NDST3: variants seen among roughly 807,000 people sequenced by gnomAD.
NDST3 encodes bifunctional heparan sulfate N-deacetylase/N-sulfotransferase 3.
Under a neutral mutation model 96.1 loss-of-function variants are expected in NDST3, and 58 were observed. That is an observed-to-expected ratio of 0.60 (90% CI 0.49 to 0.75). The LOEUF is 0.75. NDST3 is among the 30% of genes least tolerant of loss of function. The pLI, the probability that NDST3 is intolerant of heterozygous loss-of-function variation, is 0.00. For synonymous variants in NDST3, 333 were observed against 359.7 expected (o/e 0.93, Z 0.84); for missense variants, 788 against 1,034.2 (o/e 0.76, Z 3.27).
In NDST3 at chr4:118,054,567, C is replaced by A. The variant is rs952895031; in HGVS notation, c.657C>A (p.Asp219Glu). 11 of 1,613,224 alleles carry A rather than the reference C, an allele frequency of 6.8e-6. No homozygotes were observed. Among genetic ancestry groups the A allele is most frequent in the Non-Finnish European group, 8.5e-6 (10 of 1,179,518 alleles). Reference sequence around the variant, plus strand: ...AAAAAGGTTCTTTACCTGGAACTGACTGGACAGTTTTTCAGATTAATCATT... The same window carrying A: ...AAAAAGGTTCTTTACCTGGAACTGAATGGACAGTTTTTCAGATTAATCATT... ...KLEKGSLPGTDWTVFQINHSA... is the reference protein window; with the variant it reads ...KLEKGSLPGTEWTVFQINHSA... Residue 219 changes from aspartate (D) to glutamate (E), a missense_variant, in exon 2 of 14, where the codon GAC becomes GAA. This residue lies in a region of NDST3 where 234 missense variants were observed against 256.9 expected (regional missense o/e 0.91). Coordinates refer to ENST00000296499, the MANE Select transcript of NDST3 (RefSeq NM_004784.3).
chr4:118,239,099 G>T (rs1017753656), intron 10 of NDST3, among the ~76,000 whole-genome samples: 1 of 152,188 alleles, frequency 6.6e-6, no homozygotes, highest in African/African-American at 2.4e-5. Flanking sequence ...ATATATGACT[G>T]CTTCCCTGTG....
At position 118,090,414 on chromosome 4, in the gene NDST3, C is replaced by T. The variant is rs189068707; in HGVS notation, c.982-14604C>T. 1.1e-3 allele frequency among the ~76,000 whole-genome samples: 165 copies of T among 151,860 alleles called. 1 individual carries two copies. In the South Asian group the frequency reaches 0.016, roughly 14 times the overall value. On this transcript the variant is annotated intron_variant, in intron 2 of 13. Transcript: ENST00000296499. The stretch of plus-strand genomic sequence containing the variant: ...TGGATTGCCCCATCCTATCAATGCC[C>T]CTGAGATGAATATGAAGTCAGCAAT...
intron 6 of NDST3, among the ~76,000 whole-genome samples, chr4:118,153,156 T>G (rs1353213803): frequency 6.6e-6 from 1 of 152,228 alleles, no homozygotes; most frequent in Middle Eastern, 3.2e-3. Context: ...AAACTGAACC[T>G]CTTTGGAGAG....
chr4:118,131,204 G>T (rs1732581409), intron 4 of NDST3, among the ~76,000 whole-genome samples: 1 of 152,014 alleles, frequency 6.6e-6, no homozygotes, highest in Non-Finnish European at 1.5e-5. Context: ...ATATCTCTGA[G>T]ATTTGCCCTT....
intron 6 of NDST3, among the ~76,000 whole-genome samples, chr4:118,156,741 T>A (rs1292893039): frequency 6.6e-6 from 1 of 152,218 alleles, no homozygotes; most frequent in Non-Finnish European, 1.5e-5. Flanking sequence ...AAGATTATAT[T>A]GAGACACTAT....
chr4:118,137,596 A>G (rs986841545), intron 4 of NDST3, among the ~76,000 whole-genome samples: 1 of 152,250 alleles, frequency 6.6e-6, no homozygotes, highest in African/African-American at 2.4e-5. Context: ...AACTTGGTAG[A>G]AACTGTAGAG....
At chr4:118,096,531 C>G (rs1729316440) in intron 2 of NDST3, among the ~76,000 whole-genome samples, 1 of 151,758 alleles carries the variant, frequency 6.6e-6, no homozygotes, top group Admixed American at 6.6e-5. Context: ...AGCTAAAATT[C>G]TGTTGCATAA....
intron 8 of NDST3, among the ~76,000 whole-genome samples, chr4:118,227,864 G>C (rs555041763): frequency 1.3e-5 from 2 of 151,954 alleles, no homozygotes; most frequent in Non-Finnish European, 2.9e-5. Flanking sequence ...CGCCCGCCTC[G>C]GCCTCCCAAA....
chr4:118,033,515 T>C (rs1162756679), upstream of NDST3: 4 of 151,660 alleles, frequency 2.6e-5, no homozygotes, highest in East Asian at 6.0e-4. Flanking sequence ...GCCCGGTCGA[T>C]GGAGGCGGCT....
chr4:118,195,595 T>C (rs1167955577), intron 6 of NDST3, among the ~76,000 whole-genome samples: 1 of 152,252 alleles, frequency 6.6e-6, no homozygotes, highest in Non-Finnish European at 1.5e-5. Context: ...ATATGCTACA[T>C]ATCTAATTTT....
At chr4:118,177,683 T>C (rs1736361262) in intron 6 of NDST3, among the ~76,000 whole-genome samples, 1 of 152,024 alleles carries the variant, frequency 6.6e-6, no homozygotes, top group East Asian at 1.9e-4. Flanking sequence ...TTTCAGATCA[T>C]GATAAATATT....
At chr4:118,063,468 A>G (rs1726063020) in intron 2 of NDST3, among the ~76,000 whole-genome samples, 1 of 152,162 alleles carries the variant, frequency 6.6e-6, no homozygotes, top group Admixed American at 6.5e-5. Flanking sequence ...AAAACCTTGG[A>G]GAAAATTGTA....
At chr4:118,036,539 A>G (rs905693706) in intron 1 of NDST3, among the ~76,000 whole-genome samples, 5 of 152,174 alleles carry the variant, frequency 3.3e-5, no homozygotes, top group Non-Finnish European at 5.9e-5. Context: ...ACCTGTCCAG[A>G]TTAGGAATGC....
chr4:118,209,270 T>A (rs1348845857), intron 6 of NDST3, among the ~76,000 whole-genome samples: 1 of 152,218 alleles, frequency 6.6e-6, no homozygotes, highest in Non-Finnish European at 1.5e-5. Context: ...TAATCATTTT[T>A]AAATCTATCA....
rs186954043 is a variant in NDST3 at position 118,181,292 on chromosome 4, A to C, written c.1539+37608A>C. On this transcript the variant is annotated intron_variant, in intron 6 of 13. Transcript: ENST00000296499. ...TGAAGGAGGTAGGGGCTAGAAGAGAAACGTATCAAGAATGCAAGGAAACTG... is the reference window on the plus strand; with the variant it reads ...TGAAGGAGGTAGGGGCTAGAAGAGACACGTATCAAGAATGCAAGGAAACTG... 4.7e-4 allele frequency among the ~76,000 whole-genome samples: 71 copies of C among 152,218 alleles called. No individual in the cohort carries two copies. The Middle Eastern group carries it at 0.01, about 22-fold the overall frequency.
At chr4:118,151,278 C>A (rs1453569991) in intron 6 of NDST3, among the ~76,000 whole-genome samples, 6 of 152,150 alleles carry the variant, frequency 3.9e-5, no homozygotes, top group South Asian at 2.1e-4. Context: ...GGGAGATATA[C>A]CTAATGCTAG....
intron 2 of NDST3, among the ~76,000 whole-genome samples, chr4:118,080,254 C>T (rs1221119984): frequency 6.6e-6 from 1 of 151,898 alleles, no homozygotes; most frequent in Non-Finnish European, 1.5e-5. Flanking sequence ...ATCTATGGTG[C>T]CTTTTAGATG....
chr4:118,050,660 C>T (rs1202518998), intron 1 of NDST3, among the ~76,000 whole-genome samples: 3 of 152,034 alleles, frequency 2.0e-5, no homozygotes, highest in African/African-American at 7.2e-5. Context: ...AACAATACAG[C>T]TAGCCAAGGA....
At chr4:118,142,696 A>G (rs1002631022) in intron 5 of NDST3, among the ~76,000 whole-genome samples, 1 of 152,190 alleles carries the variant, frequency 6.6e-6, no homozygotes, top group African/African-American at 2.4e-5. Context: ...CTTCAAATGT[A>G]TAGTGACAAA....
Sources: allele counts gnomAD v4.1 joint callset (sites outside exome capture counted in the v4.1 genomes callset), GRCh38; gene constraint gnomAD v4.1.1; regional missense constraint gnomAD v4.1.1; transcripts MANE v1.5; gene names NCBI Gene and HGNC (gene_info 2026-07-23, HGNC 2026-07-21).